The following NIPA2 variants were observed in gnomAD, a reference collection of about 807,000 sequenced individuals.
NIPA2 encodes the protein NIPA magnesium transporter 2.
NIPA2 carries 11 observed loss-of-function variants against 29.7 expected under a neutral mutation model. The observed-to-expected ratio is 0.37, with a 90% CI of 0.23 to 0.61. The LOEUF (loss-of-function observed/expected upper bound fraction) is 0.61, where lower values mean the gene tolerates loss of function less well. Ranked by LOEUF, NIPA2 falls within the 20% of genes least tolerant of loss-of-function variation. NIPA2 has a pLI of 0.66. For missense variants in NIPA2, 426 were observed against 437.9 expected, an observed-to-expected ratio of 0.97 and a Z score of 0.24; for synonymous variants, 183 against 161.9, an observed-to-expected ratio of 1.13 and a Z score of -0.99.
Position 22,838,775 on chromosome 15 carries a change from G to C in NIPA2, c.-498G>C, listed in dbSNP as rs964452529. The stretch of plus-strand genomic sequence containing the variant: ...GGAGGAGGCGGTGCGAACGGCTTCA[G>C]CCCCGAATGCTCGCATCTCCCACTG... On this transcript the variant is annotated 5_prime_UTR_variant, in exon 1 of 8. Coordinates refer to ENST00000337451, the MANE Select transcript of NIPA2 (RefSeq NM_030922.7). 1 of 152,714 alleles carries C rather than the reference G, an allele frequency of 6.5e-6. No homozygotes were observed. The highest frequency in any genetic ancestry group is 1.9e-4 in the East Asian group (1 of 5,204). The allele number at this position is 152,714 out of a possible 1,614,324, so 9.5% of individuals were successfully genotyped here. A position where few individuals can be genotyped will look rare whatever the true frequency, so the allele number is the denominator to read the frequency against.
At position 22,860,798 on chromosome 15, in the gene NIPA2, A is replaced by G. The variant is rs2058565565; in HGVS notation, c.448+9A>G. On this transcript the variant is annotated intron_variant, in intron 7 of 7. Coordinates refer to ENST00000337451, the MANE Select transcript of NIPA2 (RefSeq NM_030922.7). Reference sequence around the variant, plus strand: ...CAAGCTAGGTGATCCAGGTAAGAAAAAAGTCTTATTAGTCTTACTGTATTT... The same window carrying G: ...CAAGCTAGGTGATCCAGGTAAGAAAGAAGTCTTATTAGTCTTACTGTATTT... 1.3e-6 allele frequency: 2 copies of G among 1,577,974 alleles called. No individual in the cohort carries two copies. The highest frequency in any genetic ancestry group is 8.6e-7 in the Non-Finnish European group (1 of 1,166,970).
Position 22,867,064 on chromosome 15 carries a change from T to C in NIPA2, c.*217T>C. ...CAGCACATGACGATTTCTATTAACA[T>C]TTTATTGTTGTAGAAGTATTTTACA... On this transcript the variant is annotated 3_prime_UTR_variant, in exon 8 of 8. Transcript: ENST00000337451. The C allele has an allele frequency of 1.9e-6, 1 of 520,300 alleles. No individual in the cohort carries two copies. The highest frequency in any genetic ancestry group is 3.3e-6 in the Non-Finnish European group (1 of 299,424). 32.2% of individuals were successfully genotyped at this position (520,300 alleles called of 1,614,324 possible). A position where few individuals can be genotyped will look rare whatever the true frequency, so the allele number is the denominator to read the frequency against.
At chr15:22,854,017 A>G (rs887375556) in intron 5 of NIPA2, among the ~76,000 whole-genome samples, 15 of 149,880 alleles carry the variant, frequency 1.0e-4, no homozygotes, top group African/African-American at 3.2e-4. Flanking sequence ...TAGTAGAGAC[A>G]GGGATTCACA....
intron 3 of NIPA2, among the ~76,000 whole-genome samples, chr15:22,849,747 T>C (rs563611810): frequency 6.6e-6 from 1 of 152,042 alleles, no homozygotes; most frequent in Admixed American, 6.5e-5. Flanking sequence ...GTATTTTTAG[T>C]AGAGATGGGG....
chr15:22,853,961 GA>G (rs1383118379), intron 5 of NIPA2, among the ~76,000 whole-genome samples: 13 of 151,098 alleles, frequency 8.6e-5, no homozygotes, highest in Middle Eastern at 3.5e-3. Flanking sequence ...CTGAGTAGCT[GA>G]GACTACTGGT....
At chr15:22,865,485 C>CA (rs199693537) in intron 7 of NIPA2, among the ~76,000 whole-genome samples, 2,013 of 140,638 alleles carry the variant, frequency 0.014, 27 homozygotes, top group African/African-American at 0.036. Context: ...GACTCTGTCT[C>CA]AAAAAAAAAA....
At chr15:22,855,987 G>A (rs1207926629) in intron 5 of NIPA2, among the ~76,000 whole-genome samples, 1 of 152,196 alleles carries the variant, frequency 6.6e-6, no homozygotes, top group Non-Finnish European at 1.5e-5. Flanking sequence ...CCACAGAAGT[G>A]ATGATGTGTG....
At chr15:22,857,412 G>C (rs7167231) in intron 5 of NIPA2, among the ~76,000 whole-genome samples, 65,206 of 148,726 alleles carry the variant, frequency 0.44, 16,165 homozygotes, top group Non-Finnish European at 0.55. Flanking sequence ...TTGCAGTGCA[G>C]ACTGGGCGAC....
At chr15:22,841,844 C>T (rs985124195) in intron 2 of NIPA2, among the ~76,000 whole-genome samples, 1 of 152,174 alleles carries the variant, frequency 6.6e-6, no homozygotes, top group African/African-American at 2.4e-5. Flanking sequence ...TCTCACCTGC[C>T]CTCACTCAAG....
chr15:22,843,463 G>A (rs61511952), intron 2 of NIPA2, among the ~76,000 whole-genome samples: 3 of 149,734 alleles, frequency 2.0e-5, no homozygotes, highest in Admixed American at 6.7e-5. Flanking sequence ...CCGAGATAGC[G>A]CCACTGCACT....
rs1273862584 is a variant in NIPA2, at chr15:22,867,946, C to T, written c.*1099C>T. 6.6e-6 allele frequency: 1 copy of T among 151,474 alleles called. No individual in the cohort carries two copies. The highest frequency in any genetic ancestry group is 1.5e-5 in the Non-Finnish European group (1 of 67,642). The allele number at this position is 151,474 out of a possible 1,614,324, so 9.4% of individuals were successfully genotyped here. On this transcript the variant is annotated 3_prime_UTR_variant, in exon 8 of 8. Transcript: ENST00000337451. ...GAACTCCATTCAGCTTTGAACCTAT[C>T]CACTCATAACCATTGACTGGCCTTT...
intron 7 of NIPA2, among the ~76,000 whole-genome samples, chr15:22,865,154 C>G (rs2141616721): frequency 6.6e-6 from 1 of 151,934 alleles, no homozygotes; most frequent in African/African-American, 2.4e-5. Flanking sequence ...GCCACCACAC[C>G]TGGCTTCTTG....
Position 22,867,034 on chromosome 15 carries a change from G to A in NIPA2, c.*187G>A, listed in dbSNP as rs1022646763. Reference sequence around the variant, plus strand: ...ACAAACAATGGTAGCTCACTAAAATGACCTCAGCACATGACGATTTCTATT... The same window carrying A: ...ACAAACAATGGTAGCTCACTAAAATAACCTCAGCACATGACGATTTCTATT... On this transcript the variant is annotated 3_prime_UTR_variant, in exon 8 of 8. Transcript: ENST00000337451. The A allele has an allele frequency of 7.0e-6, 4 of 574,394 alleles. No homozygotes were observed. The highest frequency in any genetic ancestry group is 1.2e-5 in the Non-Finnish European group (4 of 333,212). The allele number at this position is 574,394 out of a possible 1,614,324, so 35.6% of individuals were successfully genotyped here.
intron 3 of NIPA2, 112 bp from the exon 4 acceptor site, chr15:22,851,520 TATTAGTA>T (rs1279232673): frequency 5.3e-5 from 17 of 323,110 alleles, no homozygotes; most frequent in African/African-American, 3.2e-4. Flanking sequence ...ATATTATCAA[TATTAGTA>T]ATGAAGGAGC....
At chr15:22,864,512 A>C (rs1193484571) in intron 7 of NIPA2, among the ~76,000 whole-genome samples, 1 of 152,090 alleles carries the variant, frequency 6.6e-6, no homozygotes, top group Non-Finnish European at 1.5e-5. Flanking sequence ...AAAAGCTTCC[A>C]GTTTCATGGC....
At chr15:22,862,263 G>A (rs1023146281) in intron 7 of NIPA2, among the ~76,000 whole-genome samples, 1 of 151,606 alleles carries the variant, frequency 6.6e-6, no homozygotes, top group South Asian at 2.1e-4. Context: ...GGCCAGGCTG[G>A]TCTCGAATTC....
chr15:22,861,723 C>T (rs576721525), intron 7 of NIPA2, among the ~76,000 whole-genome samples: 8 of 152,126 alleles, frequency 5.3e-5, no homozygotes, highest in African/African-American at 1.9e-4. Context: ...CATTTTTGTC[C>T]ATTGTGCTGG....
Position 22,866,957 on chromosome 15 carries a change from T to C in NIPA2, c.*110T>C. ...CAAATAATGTTCTTTAAAGGCAATC[T>C]TTTTAAAGATTTCACTAATTTGGAC... On this transcript the variant is annotated 3_prime_UTR_variant, in exon 8 of 8. Coordinates refer to ENST00000337451, the MANE Select transcript of NIPA2 (RefSeq NM_030922.7). 9.5e-7 allele frequency: 1 copy of C among 1,051,988 alleles called. No individual in the cohort carries two copies. The highest frequency in any genetic ancestry group is 1.3e-6 in the Non-Finnish European group (1 of 740,776). 65.2% of individuals were successfully genotyped at this position (1,051,988 alleles called of 1,614,324 possible).
At chr15:22,847,061 G>A (rs1898938593) in intron 3 of NIPA2, among the ~76,000 whole-genome samples, 1 of 151,414 alleles carries the variant, frequency 6.6e-6, no homozygotes, top group South Asian at 2.1e-4. Context: ...GTGCCACCAT[G>A]CCCTGCTAAT....
Sources: gnomAD v4.1 joint callset for allele counts (sites outside exome capture counted in the v4.1 genomes callset) on GRCh38, gnomAD v4.1.1 for gene constraint, MANE v1.5 for transcripts, NCBI Gene and HGNC (gene_info 2026-07-23, HGNC 2026-07-21) for gene names.